Variants in ANKS3 observed in about 807,000 individuals in gnomAD.
ANKS3 encodes the protein ankyrin repeat and SAM domain-containing protein 3.
In ANKS3, 62 loss-of-function variants were observed where a neutral mutation model predicts 80.7. The observed-to-expected ratio is 0.77, with a 90% CI of 0.63 to 0.95. ANKS3 has a LOEUF of 0.95. ANKS3 is among the 40% of genes least tolerant of loss of function. The pLI is 0.00. For synonymous variants in ANKS3, 489 were observed against 355.3 expected, an observed-to-expected ratio of 1.38 and a Z score of -4.23; for missense variants, 1,150 against 883.6, an observed-to-expected ratio of 1.30 and a Z score of -3.82.
At chr16:4,721,390 C>T (rs149972531) in intron 6 of ANKS3, among the ~76,000 whole-genome samples, 1,971 of 151,018 alleles carry the variant, frequency 0.013, 56 homozygotes, top group African/African-American at 0.044. Context: ...AGGCGAACTG[C>T]CTGAGCTCAG....
rs750533723 is a variant in ANKS3 at position 4,714,115 on chromosome 16, C to A, written c.645G>T (p.Met215Ile). 2.5e-6 allele frequency: 4 copies of A among 1,614,216 alleles called. No homozygotes were observed. Among genetic ancestry groups the A allele is most frequent in the Non-Finnish European group, 8.5e-7 (1 of 1,180,058 alleles). Residue 215 changes from methionine (M) to isoleucine (I), a missense_variant, in exon 7 of 18, where the codon ATG becomes ATT. Met to Ile is a conservative substitution (Grantham distance 10). Coordinates refer to ENST00000304283, the MANE Select transcript of ANKS3 (RefSeq NM_133450.4). Reference protein sequence around the residue: ...ARMLAKQYGHMKIVALMDTYS... With the variant: ...ARMLAKQYGHIKIVALMDTYS... ...AAGTGTCCATCAAGGCCACGATCTT[C>A]ATGTGTCCGTACTGCTTGGCCAGCA...
In ANKS3 at chr16:4,699,047, C is replaced by T. The variant is rs185661020; in HGVS notation, c.1409+5G>A. 1.4e-4 allele frequency: 228 copies of T among 1,614,156 alleles called. No individual in the cohort carries two copies. Among genetic ancestry groups the T allele is most frequent in the East Asian group, 2.2e-5 (1 of 44,880 alleles). The stretch of plus-strand genomic sequence containing the variant: ...TGAGGGCCAGAGCGGCCCTTCTGGA[C>T]GCACGTGATGCCAATTTCCTTCAGG... On this transcript the variant is annotated splice_donor_5th_base_variant and intron_variant, in intron 12 of 17. Coordinates refer to ENST00000304283, the MANE Select transcript of ANKS3 (RefSeq NM_133450.4).
intron 3 of ANKS3, chr16:4,727,542 G>T: frequency 2.9e-6 from 1 of 346,210 alleles, no homozygotes. Flanking sequence ...GGAGGCCAAG[G>T]CTGCCGCTAA....
chr16:4,724,620 G>A, intron 6 of ANKS3, 130 bp downstream of exon 6: 1 of 897,042 alleles, frequency 1.1e-6, no homozygotes, highest in Non-Finnish European at 1.7e-6. Flanking sequence ...AATAGATAAT[G>A]AAAATGTGTT....
chr16:4,721,252 C>T (rs2081076817), intron 6 of ANKS3, among the ~76,000 whole-genome samples: 1 of 149,612 alleles, frequency 6.7e-6, no homozygotes, highest in African/African-American at 2.4e-5. Context: ...TTGCAGTGAG[C>T]CGAGATCGTG....
intron 6 of ANKS3, among the ~76,000 whole-genome samples, chr16:4,719,823 A>G (rs1156415898): frequency 2.0e-5 from 3 of 152,054 alleles, no homozygotes; most frequent in African/African-American, 7.2e-5. Flanking sequence ...AAATACAAAA[A>G]TAATTATTTG....
chr16:4,718,601 G>A (rs1420102424), intron 6 of ANKS3, among the ~76,000 whole-genome samples: 3 of 152,218 alleles, frequency 2.0e-5, no homozygotes, highest in African/African-American at 7.2e-5. Context: ...GAAACCGGGT[G>A]GGCCCCCTCC....
chr16:4,705,402 C>T lies in ANKS3; in HGVS notation c.710-149G>A, dbSNP rs1006966973. ...CAGGGCATCACTTCTGAGAAATGCCCTAACAGGCCGGGGCGCTGCTCCAAT... is the reference window on the plus strand; with the variant it reads ...CAGGGCATCACTTCTGAGAAATGCCTTAACAGGCCGGGGCGCTGCTCCAAT... On this transcript the variant is annotated intron_variant, in intron 7 of 17. Transcript: ENST00000304283. The T allele has an allele frequency of 4.1e-6, 4 of 967,434 alleles. No homozygotes were observed. In the African/African-American group the frequency reaches 5.0e-5, roughly 12 times the overall value. 59.9% of individuals were successfully genotyped at this position (967,434 alleles called of 1,614,324 possible).
intron 7 of ANKS3, among the ~76,000 whole-genome samples, chr16:4,705,625 C>T (rs1387641650): frequency 6.6e-6 from 1 of 152,002 alleles, no homozygotes; most frequent in Non-Finnish European, 1.5e-5. Context: ...CCACCATGCC[C>T]AGTGTTTTTT....
In ANKS3 at chr16:4,696,847, C is replaced by A; in HGVS notation, c.*61G>T. 1.5e-6 allele frequency: 1 copy of A among 669,644 alleles called. No individual in the cohort carries two copies. The highest frequency in any genetic ancestry group is 2.6e-6 in the Non-Finnish European group (1 of 386,012). 41.5% of individuals were successfully genotyped at this position (669,644 alleles called of 1,614,324 possible). On this transcript the variant is annotated 3_prime_UTR_variant, in exon 18 of 18. Transcript: ENST00000304283. Reference sequence around the variant, plus strand: ...GCAGCTACCTGCTCACTGTCCTCCTCACTCCCTGGCACACAGCTTCAGGGT... The same window carrying A: ...GCAGCTACCTGCTCACTGTCCTCCTAACTCCCTGGCACACAGCTTCAGGGT...
chr16:4,699,300 G>T, intron 11 of ANKS3, 124 bp from the exon 12 acceptor site: 1 of 1,345,086 alleles, frequency 7.4e-7, no homozygotes, highest in Non-Finnish European at 1.0e-6. Flanking sequence ...TGTGTGTGGC[G>T]CCCAGGCTGT....
At chr16:4,710,070 A>T (rs1338590133) in intron 7 of ANKS3, among the ~76,000 whole-genome samples, 1 of 152,152 alleles carries the variant, frequency 6.6e-6, no homozygotes, top group Non-Finnish European at 1.5e-5. Flanking sequence ...CATTTACAGG[A>T]TTTTTAAAAG....
At position 4,721,088 on chromosome 16, in the gene ANKS3, G is replaced by C. The variant is rs571106269; in HGVS notation, c.573+3662C>G. 3.5e-4 allele frequency among the ~76,000 whole-genome samples: 52 copies of C among 148,232 alleles called. 1 individual carries two copies. Among genetic ancestry groups the C allele is most frequent in the African/African-American group, 3.2e-4 (13 of 40,374 alleles). The stretch of plus-strand genomic sequence containing the variant: ...TGGGAGGCCAAGGTGGGCGGATCAC[G>C]AGGTCAGGAGATCGAGACCATCCTG... On this transcript the variant is annotated intron_variant, in intron 6 of 17. Transcript: ENST00000304283.
chr16:4,707,120 T>TA (rs1379685214), intron 7 of ANKS3, among the ~76,000 whole-genome samples: 1 of 151,900 alleles, frequency 6.6e-6, no homozygotes, highest in Non-Finnish European at 1.5e-5. Context: ...GAGGCAGCAA[T>TA]AAGCAAGGGA....
At chr16:4,705,036 C>T in intron 8 of ANKS3, 59 bp downstream of exon 8, 3 of 1,587,880 alleles carry the variant, frequency 1.9e-6, no homozygotes, top group Non-Finnish European at 1.7e-6. Context: ...TCCATTCTTG[C>T]CAACACAAAA....
At chr16:4,697,620 C>T (rs1043950084) in intron 15 of ANKS3, among the ~76,000 whole-genome samples, 2 of 152,226 alleles carry the variant, frequency 1.3e-5, no homozygotes, top group Admixed American at 1.3e-4. Flanking sequence ...CACTACGAGG[C>T]CCGGGTCAGC....
chr16:4,698,914 C>A lies in ANKS3; in HGVS notation c.1437G>T (p.Thr479=). Residue 479 remains threonine (T), a synonymous_variant, in exon 13 of 18, where the codon ACG becomes ACT. Transcript: ENST00000304283. The part of the protein sequence containing the change: ...ITLFGPKRKM[T]SAIARWHSSA... ...TGCTGTGCCAGCGGGCAATGGCGGA[C>A]GTCATCTTCCTCTTGGGCCCAAACA... 1 of 1,598,596 alleles carries A rather than the reference C, an allele frequency of 6.3e-7. No homozygotes were observed. The highest frequency in any genetic ancestry group is 1.1e-5 in the South Asian group (1 of 88,806).
At chr16:4,702,662 C>G (rs990517249) in intron 8 of ANKS3, among the ~76,000 whole-genome samples, 1 of 152,122 alleles carries the variant, frequency 6.6e-6, no homozygotes, top group Admixed American at 6.5e-5. Context: ...GCTTAGCGGG[C>G]CTCCTCTGGT....
chr16:4,733,527 G>C (rs2081776655), intron 1 of ANKS3, among the ~76,000 whole-genome samples: 2 of 152,180 alleles, frequency 1.3e-5, no homozygotes, highest in Middle Eastern at 6.8e-3. Context: ...CTTGACTTCA[G>C]GTGATCCGCC....
Sources: gnomAD v4.1 joint callset for allele counts (sites outside exome capture counted in the v4.1 genomes callset) on GRCh38, gnomAD v4.1.1 for gene constraint, MANE v1.5 for transcripts, NCBI Gene and HGNC (gene_info 2026-07-23, HGNC 2026-07-21) for gene names.